IMPG1: variants seen among roughly 807,000 people sequenced by gnomAD.
IMPG1 encodes the protein interphotoreceptor matrix proteoglycan of 150 kDa.
A neutral mutation model predicts 92.0 loss-of-function variants in IMPG1; 85 were observed. The ratio of observed to expected loss-of-function variants is 0.92; its 90% CI spans 0.78 to 1.11. The LOEUF is 1.11. IMPG1 is among the 50% of genes least tolerant of loss of function. The pLI is 0.00. For missense variants in IMPG1, 1,022 were observed against 956.0 expected, an observed-to-expected ratio of 1.07 and a Z score of -0.91; for synonymous variants, 367 against 334.1, an observed-to-expected ratio of 1.10 and a Z score of -1.08.
intron 1 of IMPG1, among the ~76,000 whole-genome samples, chr6:76,048,193 G>A (rs912103950): frequency 1.3e-5 from 2 of 152,264 alleles, no homozygotes; most frequent in East Asian, 1.9e-4. Flanking sequence ...CTGAATCTTT[G>A]TATAGCTGAT....
chr6:76,058,065 G>T (rs909777974), intron 1 of IMPG1, among the ~76,000 whole-genome samples: 2 of 151,992 alleles, frequency 1.3e-5, no homozygotes, highest in African/African-American at 4.8e-5. Context: ...AGTGAATTTT[G>T]TGAGTCCCTA....
chr6:75,934,139 G>C lies in IMPG1; in HGVS notation c.2045-2988C>G, dbSNP rs76782279. The stretch of plus-strand genomic sequence containing the variant: ...GCCATCCTCACTGGCAGACATATCA[G>C]ACTTCCATGAATGCTTTCCTTTGAA... On this transcript the variant is annotated intron_variant, in intron 14 of 16. Coordinates refer to ENST00000369950, the MANE Select transcript of IMPG1 (RefSeq NM_001563.4). Among the ~76,000 whole-genome samples, 5 of 152,242 alleles carry C rather than the reference G, an allele frequency of 3.3e-5. No individual in the cohort carries two copies. In the East Asian group the frequency reaches 9.7e-4, roughly 29 times the overall value.
At chr6:75,982,151 T>C (rs1456989559) in intron 12 of IMPG1, among the ~76,000 whole-genome samples, 2 of 152,168 alleles carry the variant, frequency 1.3e-5, no homozygotes, top group African/African-American at 2.4e-5. Context: ...ATAGGATATA[T>C]TGTAGGATGA....
intron 4 of IMPG1, among the ~76,000 whole-genome samples, chr6:76,031,377 C>A (rs931093395): frequency 2.0e-5 from 3 of 152,126 alleles, no homozygotes; most frequent in African/African-American, 7.2e-5. Flanking sequence ...CCAATAGTAT[C>A]ATGTACATAT....
At chr6:76,019,685 C>A (rs1783381274) in intron 6 of IMPG1, among the ~76,000 whole-genome samples, 1 of 152,044 alleles carries the variant, frequency 6.6e-6, no homozygotes, top group South Asian at 2.1e-4. Context: ...TTCATTCATT[C>A]AAAAAAACAC....
At chr6:76,014,761 A>G (rs1783254113) in intron 7 of IMPG1, among the ~76,000 whole-genome samples, 1 of 152,170 alleles carries the variant, frequency 6.6e-6, no homozygotes, top group African/African-American at 2.4e-5. Context: ...AGCATCAGCA[A>G]CAGGGAGCAC....
Position 75,991,251 on chromosome 6 carries a change from C to T in IMPG1, c.1291+11667G>A, listed in dbSNP as rs1200218723. On this transcript the variant is annotated intron_variant, in intron 12 of 16. Coordinates refer to ENST00000369950, the MANE Select transcript of IMPG1 (RefSeq NM_001563.4). The stretch of plus-strand genomic sequence containing the variant: ...CTAGAAATACAAAAATTTAGTTGGG[C>T]ATGGTGGCACACTCCTGCAGTCCCA... Among the ~76,000 whole-genome samples, 3 of 152,028 alleles carry T rather than the reference C, an allele frequency of 2.0e-5. No homozygotes were observed. In the East Asian group the frequency reaches 5.8e-4, roughly 29 times the overall value.
At chr6:76,025,650 C>A (rs1562374806) in intron 4 of IMPG1, among the ~76,000 whole-genome samples, 2 of 152,116 alleles carry the variant, frequency 1.3e-5, no homozygotes, top group Non-Finnish European at 2.9e-5. Flanking sequence ...AATCTCAGAC[C>A]CTCAAGCCTG....
At chr6:75,948,422 G>T (rs780067552) in intron 13 of IMPG1, among the ~76,000 whole-genome samples, 1 of 152,094 alleles carries the variant, frequency 6.6e-6, no homozygotes. Flanking sequence ...AGATGCAAGC[G>T]CCGACCTCCT....
chr6:75,965,229 T>C (rs1782286916), intron 12 of IMPG1, among the ~76,000 whole-genome samples: 1 of 152,230 alleles, frequency 6.6e-6, no homozygotes, highest in Non-Finnish European at 1.5e-5. Flanking sequence ...TGAAATAGCT[T>C]GCATGGTAGC....
At chr6:75,928,032 A>G (rs1781588978) in intron 15 of IMPG1, among the ~76,000 whole-genome samples, 1 of 152,186 alleles carries the variant, frequency 6.6e-6, no homozygotes, top group Non-Finnish European at 1.5e-5. Context: ...AAGAAAGAGA[A>G]ATGTTTAAAA....
intron 12 of IMPG1, among the ~76,000 whole-genome samples, chr6:75,969,451 G>A (rs973080996): frequency 6.6e-6 from 1 of 152,030 alleles, no homozygotes; most frequent in Non-Finnish European, 1.5e-5. Flanking sequence ...ATTAAAAATA[G>A]TTCTGTGAGG....
At chr6:76,010,781 A>G (rs139102778) in intron 8 of IMPG1, among the ~76,000 whole-genome samples, 18 of 152,326 alleles carry the variant, frequency 1.2e-4, no homozygotes, top group East Asian at 3.9e-4. Context: ...TTAGCATCCC[A>G]TAGGAAACCA....
At chr6:75,977,616 C>T (rs1209604890) in intron 12 of IMPG1, among the ~76,000 whole-genome samples, 3 of 151,412 alleles carry the variant, frequency 2.0e-5, no homozygotes, top group Non-Finnish European at 4.4e-5. Flanking sequence ...AAAAAACCCC[C>T]AAAAAACAAG....
chr6:75,939,471 A>C lies in IMPG1; in HGVS notation c.2044+7843T>G, dbSNP rs564602536. On this transcript the variant is annotated intron_variant, in intron 14 of 16. Transcript: ENST00000369950. ...TGGTGTTTGGTTTTTTGTCCTTGCAATAGTTTGCTGAGAATGATGGTTTCC... is the reference window on the plus strand; with the variant it reads ...TGGTGTTTGGTTTTTTGTCCTTGCACTAGTTTGCTGAGAATGATGGTTTCC... 1.1e-3 allele frequency among the ~76,000 whole-genome samples: 173 copies of C among 152,216 alleles called. 1 individual carries two copies. The highest frequency in any genetic ancestry group is 1.6e-3 in the Admixed American group (24 of 15,300).
At chr6:76,063,893 G>A (rs150553351) in intron 1 of IMPG1, among the ~76,000 whole-genome samples, 191 of 152,262 alleles carry the variant, frequency 1.3e-3, no homozygotes, top group African/African-American at 4.5e-3. Flanking sequence ...TGTGCTTTCT[G>A]GTGCTCAAGA....
intron 12 of IMPG1, among the ~76,000 whole-genome samples, chr6:75,959,369 T>A (rs1184569284): frequency 2.0e-5 from 3 of 152,160 alleles, no homozygotes; most frequent in Non-Finnish European, 2.9e-5. Flanking sequence ...GAAGAGGCAG[T>A]CTGTCCCTTA....
Position 76,028,558 on chromosome 6 carries a change from G to T in IMPG1, c.498-3300C>A, listed in dbSNP as rs556895540. Among the ~76,000 whole-genome samples the T allele has an allele frequency of 5.0e-4, 76 of 152,298 alleles. No individual in the cohort carries two copies. In the South Asian group the frequency reaches 7.7e-3, roughly 15 times the overall value. On this transcript the variant is annotated intron_variant, in intron 4 of 16. Coordinates refer to ENST00000369950, the MANE Select transcript of IMPG1 (RefSeq NM_001563.4). The stretch of plus-strand genomic sequence containing the variant: ...CCTTTAACAAGTAAGGGCCGGACAC[G>T]GTGGCTCACGCCTGTAATCCCAGCA...
At chr6:76,034,843 C>G in intron 2 of IMPG1, 56 bp from the exon 3 acceptor site, 1 of 1,441,868 alleles carries the variant, frequency 6.9e-7, no homozygotes, top group Non-Finnish European at 9.5e-7. Context: ...TACCCAATCC[C>G]AAGCAAAGTC....
Sources: allele counts gnomAD v4.1 joint callset (sites outside exome capture counted in the v4.1 genomes callset), GRCh38; gene constraint gnomAD v4.1.1; transcripts MANE v1.5; gene names NCBI Gene and HGNC (gene_info 2026-07-23, HGNC 2026-07-21).